MEGF9: variants seen among roughly 807,000 people sequenced by gnomAD.
MEGF9 encodes the protein multiple epidermal growth factor-like domains protein 9.
A neutral mutation model predicts 46.8 loss-of-function variants in MEGF9; 6 were observed. That is an observed-to-expected ratio of 0.13 (90% CI 0.07 to 0.25). The LOEUF is 0.25. Among genes scored for constraint, MEGF9 ranks in the 10% least tolerant of loss-of-function variants. The probability of loss-of-function intolerance (pLI) is 1.00; values close to 1 mark genes in which losing one functional copy is unlikely to be tolerated. For synonymous variants in MEGF9, 302 were observed against 330.7 expected, an observed-to-expected ratio of 0.91 and a Z score of 0.94; for missense variants, 683 against 792.4, an observed-to-expected ratio of 0.86 and a Z score of 1.66.
intron 5 of MEGF9, among the ~76,000 whole-genome samples, chr9:120,606,190 AT>A (rs1317024965): frequency 3.2e-4 from 48 of 151,034 alleles, no homozygotes; most frequent in African/African-American, 1.1e-3. Context: ...AAAAAAAAAA[AT>A]CTTTGGGAAA....
chr9:120,678,478 T>G (rs2043783542), intron 1 of MEGF9, among the ~76,000 whole-genome samples: 1 of 152,172 alleles, frequency 6.6e-6, no homozygotes, highest in Admixed American at 6.5e-5. Context: ...GGGATTTTTT[T>G]GTTTGTTTTT....
chr9:120,612,311 G>A (rs1458725559), intron 4 of MEGF9, 85 bp downstream of exon 4: 1 of 1,349,790 alleles, frequency 7.4e-7, no homozygotes, highest in African/African-American at 1.5e-5. Context: ...ATAGCATCCA[G>A]AACTTTATTC....
intron 1 of MEGF9, among the ~76,000 whole-genome samples, chr9:120,703,394 C>T (rs1353002006): frequency 1.3e-5 from 2 of 152,282 alleles, no homozygotes; most frequent in Middle Eastern, 3.4e-3. Flanking sequence ...GCCTGACAGG[C>T]TTGAGCAAAC....
Position 120,605,152 on chromosome 9 carries a change from A to C in MEGF9, c.*38T>G. On this transcript the variant is annotated 3_prime_UTR_variant, in exon 6 of 6. Coordinates refer to ENST00000373930, the MANE Select transcript of MEGF9 (RefSeq NM_001080497.3). The surrounding 1 kb of genome is among the most constrained non-coding windows in gnomAD (Gnocchi z 4.0). ...CCCAGGGGCTGACTCTGTCTTAGCA[A>C]GCACTGTGGTTTAACAATTCAGAAC... 1 of 1,563,592 alleles carries C rather than the reference A, an allele frequency of 6.4e-7. No individual in the cohort carries two copies. The highest frequency in any genetic ancestry group is 8.7e-7 in the Non-Finnish European group (1 of 1,153,608).
At chr9:120,637,834 T>C (rs2043585380) in intron 2 of MEGF9, among the ~76,000 whole-genome samples, 1 of 143,464 alleles carries the variant, frequency 7.0e-6, no homozygotes, top group Non-Finnish European at 1.5e-5. Flanking sequence ...CATTATTTGA[T>C]AGTTTCTGCA....
At chr9:120,701,328 A>G (rs1013664876) in intron 1 of MEGF9, among the ~76,000 whole-genome samples, 3 of 152,200 alleles carry the variant, frequency 2.0e-5, no homozygotes, top group African/African-American at 7.2e-5. Context: ...TAAGACTGAA[A>G]TAAGTTTTCA....
intron 1 of MEGF9, chr9:120,689,980 A>G (rs556978169): frequency 1.9e-6 from 1 of 531,684 alleles, no homozygotes; most frequent in South Asian, 1.4e-5. Context: ...GTAAGAGGCA[A>G]GTACTTGCTT....
At position 120,601,682 on chromosome 9, in the gene MEGF9, C is replaced by G. The variant is rs1483664622; in HGVS notation, c.*3508G>C. ...GAGTAACGCACTAGGCCCACAGGAC[C>G]TTAGTATTAATATAAATGAGCTTTA... On this transcript the variant is annotated 3_prime_UTR_variant, in exon 6 of 6. Coordinates refer to ENST00000373930, the MANE Select transcript of MEGF9 (RefSeq NM_001080497.3). 1 of 152,110 alleles carries G rather than the reference C, an allele frequency of 6.6e-6. No homozygotes were observed. Among genetic ancestry groups the G allele is most frequent in the Non-Finnish European group, 1.5e-5 (1 of 68,008 alleles). 9.4% of individuals were successfully genotyped at this position (152,110 alleles called of 1,614,324 possible).
At chr9:120,642,659 T>C (rs1348704218) in intron 2 of MEGF9, among the ~76,000 whole-genome samples, 1 of 152,230 alleles carries the variant, frequency 6.6e-6, no homozygotes, top group East Asian at 1.9e-4. Flanking sequence ...TGTAAAAATG[T>C]TTCCTTCAAA....
chr9:120,617,909 T>A (rs1177850910), intron 3 of MEGF9, among the ~76,000 whole-genome samples: 1 of 152,152 alleles, frequency 6.6e-6, no homozygotes, highest in Non-Finnish European at 1.5e-5. Flanking sequence ...AAATCAAAAA[T>A]GACTACTAGG....
At chr9:120,703,786 A>C (rs1325188952) in intron 1 of MEGF9, among the ~76,000 whole-genome samples, 3 of 151,936 alleles carry the variant, frequency 2.0e-5, no homozygotes, top group Admixed American at 6.6e-5. Flanking sequence ...CAGCCTAACC[A>C]ATATGGTGAA....
intron 1 of MEGF9, among the ~76,000 whole-genome samples, chr9:120,692,694 G>C (rs139560190): frequency 7.9e-5 from 12 of 151,828 alleles, no homozygotes; most frequent in Admixed American, 7.2e-4. Context: ...TCCCCTACTC[G>C]AGCCACTCAG....
intron 1 of MEGF9, among the ~76,000 whole-genome samples, chr9:120,673,914 G>A (rs975905768): frequency 6.8e-6 from 1 of 147,084 alleles, no homozygotes; most frequent in Non-Finnish European, 1.5e-5. Flanking sequence ...AGCTTGCAGT[G>A]AGCCGAGATC....
At chr9:120,682,827 C>T (rs1261695913) in intron 1 of MEGF9, among the ~76,000 whole-genome samples, 2 of 152,142 alleles carry the variant, frequency 1.3e-5, no homozygotes, top group Non-Finnish European at 1.5e-5. Context: ...AAGTGATGCT[C>T]CCACCTCAGC....
At position 120,712,517 on chromosome 9, in the gene MEGF9, A is replaced by G. The variant is rs77636952; in HGVS notation, c.601+1241T>C. Among the ~76,000 whole-genome samples, 473 of 152,340 alleles carry G rather than the reference A, an allele frequency of 3.1e-3. 13 individuals carry two copies. In the East Asian group the frequency reaches 0.082, roughly 26 times the overall value. On this transcript the variant is annotated intron_variant, in intron 1 of 5. Coordinates refer to ENST00000373930, the MANE Select transcript of MEGF9 (RefSeq NM_001080497.3). ...CTATATGAAAGCCAAAAGGGGTTACAGGTAAAACCCAGCTAGCTAATGCAT... is the reference window on the plus strand; with the variant it reads ...CTATATGAAAGCCAAAAGGGGTTACGGGTAAAACCCAGCTAGCTAATGCAT...
chr9:120,691,411 T>C (rs1264118253), intron 1 of MEGF9: 1 of 486,348 alleles, frequency 2.1e-6, no homozygotes, highest in African/African-American at 2.0e-5. Flanking sequence ...TATCTTTACG[T>C]TACTCTCACA....
Position 120,607,840 on chromosome 9 carries a change from C to T in MEGF9, c.1258G>A (p.Gly420Ser). The T allele has an allele frequency of 6.2e-7, 1 of 1,614,012 alleles. No individual in the cohort carries two copies. Residue 420 changes from glycine (G) to serine (S), a missense_variant, in exon 5 of 6, where the codon GGT becomes AGT. Gly to Ser is a moderately conservative substitution (Grantham distance 56, BLOSUM62 0). Coordinates refer to ENST00000373930, the MANE Select transcript of MEGF9 (RefSeq NM_001080497.3). The stretch of plus-strand genomic sequence containing the variant: ...TTATGGAGGCAGTTGATGCACTCAC[C>T]ACTCTCGGGCTTACAAATCTTTGGA... Reference protein sequence around the residue: ...KTPKICKPESGECINCLHNTT... With the variant: ...KTPKICKPESSECINCLHNTT...
At position 120,605,896 on chromosome 9, in the gene MEGF9, G is replaced by A. The variant is rs1490457639; in HGVS notation, c.1358-255C>T. Among the ~76,000 whole-genome samples, 2 of 152,052 alleles carry A rather than the reference G, an allele frequency of 1.3e-5. No homozygotes were observed. The highest frequency in any genetic ancestry group is 1.5e-5 in the Non-Finnish European group (1 of 67,998). On this transcript the variant is annotated intron_variant, in intron 5 of 5. Coordinates refer to ENST00000373930, the MANE Select transcript of MEGF9 (RefSeq NM_001080497.3). The surrounding 1 kb of genome is among the most constrained non-coding windows in gnomAD (Gnocchi z 4.0). The stretch of plus-strand genomic sequence containing the variant: ...ATATCTACATTAAAATCTTTGGGCC[G>A]GGCGTGGTGGCTCACACCTGTAATC...
rs540078076 is a variant in MEGF9, at chr9:120,636,758, C to T, written c.804-14003G>A. On this transcript the variant is annotated intron_variant, in intron 2 of 5. Coordinates refer to ENST00000373930, the MANE Select transcript of MEGF9 (RefSeq NM_001080497.3). ...GAACTGAGGAGCGCCTCCGCCCGGCCGCCCCATCTGAGAAGTGAGGAGCCC... is the reference window on the plus strand; with the variant it reads ...GAACTGAGGAGCGCCTCCGCCCGGCTGCCCCATCTGAGAAGTGAGGAGCCC... Among the ~76,000 whole-genome samples, 5 of 151,694 alleles carry T rather than the reference C, an allele frequency of 3.3e-5. No individual in the cohort carries two copies. In the East Asian group the frequency reaches 5.9e-4, roughly 18 times the overall value.
Sources: gnomAD v4.1 joint callset for allele counts (sites outside exome capture counted in the v4.1 genomes callset) on GRCh38, gnomAD v4.1.1 for gene constraint, Gnocchi (gnomAD v3.1) non-coding constraint, MANE v1.5 for transcripts, NCBI Gene and HGNC (gene_info 2026-07-23, HGNC 2026-07-21) for gene names.